The following TCF20 variants were observed in gnomAD, a reference collection of about 807,000 sequenced individuals.
TCF20 encodes the protein SPRE-binding protein.
In TCF20, 3 loss-of-function variants were observed where a neutral mutation model predicts 148.6. The ratio of observed to expected loss-of-function variants is 0.02; its 90% CI spans 0.01 to 0.05. The LOEUF (loss-of-function observed/expected upper bound fraction) is 0.05, where lower values mean the gene tolerates loss of function less well. Ranked by LOEUF, TCF20 falls within the 10% of genes least tolerant of loss-of-function variation. The pLI, the probability that TCF20 is intolerant of heterozygous loss-of-function variation, is 1.00. For synonymous variants in TCF20, 1,049 were observed against 909.5 expected (o/e 1.15, Z -2.76); for missense variants, 2,350 against 2,429.3 (o/e 0.97, Z 0.69).
At position 42,254,959 on chromosome 22, in the gene TCF20, C is replaced by CAAA. The variant is rs10625678; in HGVS notation, c.-37+15377_-37+15379dup. Reference sequence around the variant, plus strand: ...TGGGTGACACAGCAAGACTCCGTCTCAAAAAAAAAAAAAAAAAAAAGGTAG... The same window carrying CAAA: ...TGGGTGACACAGCAAGACTCCGTCTCAAAAAAAAAAAAAAAAAAAAAAAGGTAG... On this transcript the variant is annotated intron_variant, in intron 1 of 5. Coordinates refer to ENST00000677622, the MANE Select transcript of TCF20 (RefSeq NM_001378418.1). Among the ~76,000 whole-genome samples the CAAA allele has an allele frequency of 2.9e-4, 18 of 62,800 alleles. 4 individuals carry two copies. Among genetic ancestry groups the CAAA allele is most frequent in the African/African-American group, 7.7e-4 (8 of 10,454 alleles). 41.2% of individuals were successfully genotyped at this position (62,800 alleles called of 152,430 possible).
At chr22:42,331,949 A>C (rs1423166012) in intron 1 of TCF20, among the ~76,000 whole-genome samples, 1 of 152,260 alleles carries the variant, frequency 6.6e-6, no homozygotes, top group Non-Finnish European at 1.5e-5. Flanking sequence ...TCATCCACTC[A>C]TCCGCTCAAC....
At chr22:42,203,947 G>T (rs988250955) in intron 2 of TCF20, among the ~76,000 whole-genome samples, 1 of 152,212 alleles carries the variant, frequency 6.6e-6, no homozygotes, top group African/African-American at 2.4e-5. Flanking sequence ...CACCTTCAAG[G>T]AACATATAGT....
At chr22:42,314,384 T>C (rs1927592498) in intron 1 of TCF20, among the ~76,000 whole-genome samples, 1 of 152,224 alleles carries the variant, frequency 6.6e-6, no homozygotes, top group Non-Finnish European at 1.5e-5. Flanking sequence ...CTCAGCGAAA[T>C]TGATGGCCAT....
chr22:42,199,706 CAAAAAAAAAA>C lies in TCF20; in HGVS notation c.5655+9935_5655+9944del, dbSNP rs59845847. Among the ~76,000 whole-genome samples the C allele has an allele frequency of 5.7e-3, 194 of 33,856 alleles. 1 individual carries two copies. In the Middle Eastern group the frequency reaches 0.087, roughly 15 times the overall value. 22.2% of individuals were successfully genotyped at this position (33,856 alleles called of 152,430 possible). A position where few individuals can be genotyped will look rare whatever the true frequency, so the allele number is the denominator to read the frequency against. ...CTAACATGGCAAAACCCCATCTCTACAAAAAAAAAAAAAAAAAAAAAAAAAAAAAAATTAG... is the reference window on the plus strand; with the variant it reads ...CTAACATGGCAAAACCCCATCTCTACAAAAAAAAAAAAAAAAAAAAATTAG... On this transcript the variant is annotated intron_variant, in intron 2 of 5. Transcript: ENST00000677622.
intron 2 of TCF20, among the ~76,000 whole-genome samples, chr22:42,201,179 G>A (rs1469339236): frequency 6.6e-6 from 1 of 152,122 alleles, no homozygotes; most frequent in Admixed American, 6.6e-5. Context: ...GTTTCCTGAG[G>A]CCTCCCCAGA....
intron 1 of TCF20, among the ~76,000 whole-genome samples, chr22:42,331,423 C>A (rs147194490): frequency 2.6e-5 from 4 of 152,238 alleles, no homozygotes; most frequent in African/African-American, 7.2e-5. Flanking sequence ...CTATAGCCCA[C>A]GAGAGAAAGT....
chr22:42,325,086 G>A (rs1369859737), intron 1 of TCF20, among the ~76,000 whole-genome samples: 3 of 152,262 alleles, frequency 2.0e-5, no homozygotes. Flanking sequence ...AGGATGCTGA[G>A]CTCTCTGCCG....
chr22:42,194,802 C>G (rs895314280), intron 2 of TCF20, among the ~76,000 whole-genome samples: 2 of 151,996 alleles, frequency 1.3e-5, no homozygotes, highest in African/African-American at 4.8e-5. Flanking sequence ...CCAAGTCACT[C>G]TAGTAGTGGC....
chr22:42,341,549 G>A (rs550360619), intron 1 of TCF20, among the ~76,000 whole-genome samples: 1 of 152,292 alleles, frequency 6.6e-6, no homozygotes, highest in African/African-American at 2.4e-5. Context: ...AGGGCATCCT[G>A]CTCACAGGCA....
chr22:42,171,667 T>C (rs763825229), intron 3 of TCF20, among the ~76,000 whole-genome samples: 12 of 152,100 alleles, frequency 7.9e-5, no homozygotes, highest in Non-Finnish European at 1.3e-4. Context: ...TGACCAAGAC[T>C]CCCGCTGCTC....
intron 1 of TCF20, chr22:42,269,876 C>T (rs1415271564): frequency 6.6e-6 from 1 of 152,348 alleles, no homozygotes; most frequent in Non-Finnish European, 1.5e-5. Flanking sequence ...GGCCCAGCCC[C>T]GCTGGCCTCG....
intron 1 of TCF20, among the ~76,000 whole-genome samples, chr22:42,258,817 C>T (rs191675987): frequency 4.0e-4 from 61 of 152,112 alleles, no homozygotes; most frequent in African/African-American, 1.3e-3. Context: ...CGACTTAGGA[C>T]GGATGGGTTT....
rs761986071 is a variant in TCF20, at chr22:42,214,426, G to A, written c.880C>T (p.Pro294Ser). The A allele has an allele frequency of 5.6e-6, 9 of 1,614,016 alleles. No individual in the cohort carries two copies. In the African/African-American group the frequency reaches 6.7e-5, roughly 12 times the overall value. Reference protein sequence around the residue: ...YGTQSNYSYQPQSMKNFEQAK... With the variant: ...YGTQSNYSYQSQSMKNFEQAK... ...TGTTCAAAATTCTTCATAGATTGAG[G>A]CTGATAGCTGTAATTGGATTGTGTT... The change falls in exon 2 of 6, where the codon CCT becomes TCT. Residue 294 changes from proline (P) to serine (S), a missense_variant. Physicochemically the swap from Pro to Ser is moderately conservative, Grantham distance 74 (BLOSUM62 -1). Coordinates refer to ENST00000677622, the MANE Select transcript of TCF20 (RefSeq NM_001378418.1).
intron 5 of TCF20, among the ~76,000 whole-genome samples, chr22:42,164,941 T>C (rs1030276867): frequency 3.9e-5 from 6 of 152,148 alleles, no homozygotes; most frequent in Admixed American, 2.0e-4. Flanking sequence ...GAGACTTCCA[T>C]AGGGCTCTGG....
chr22:42,175,310 T>C (rs1234336508), intron 3 of TCF20, among the ~76,000 whole-genome samples: 4 of 152,128 alleles, frequency 2.6e-5, no homozygotes, highest in Non-Finnish European at 5.9e-5. Context: ...AGATTACAGG[T>C]GTGAACCACC....
intron 1 of TCF20, among the ~76,000 whole-genome samples, chr22:42,304,370 C>T (rs568800116): frequency 5.3e-4 from 81 of 152,066 alleles, no homozygotes; most frequent in African/African-American, 1.9e-3. Context: ...GGAGGCTGGG[C>T]TGGATGCAGG....
At chr22:42,227,866 C>T (rs1479554133) in intron 1 of TCF20, among the ~76,000 whole-genome samples, 1 of 152,202 alleles carries the variant, frequency 6.6e-6, no homozygotes, top group Admixed American at 6.5e-5. Flanking sequence ...ACCCATCCCA[C>T]TACTGCTGAT....
chr22:42,179,795 C>G (rs991669730), intron 2 of TCF20, 93 bp from the exon 3 acceptor site: 1 of 822,302 alleles, frequency 1.2e-6, no homozygotes, highest in Admixed American at 1.8e-5. Context: ...GACCTCAGCA[C>G]GTGTCTCTGT....
upstream of TCF20, among the ~76,000 whole-genome samples, chr22:42,285,637 A>T (rs1927016417): frequency 6.6e-6 from 1 of 151,930 alleles, no homozygotes; most frequent in South Asian, 2.1e-4. The surrounding 1 kb of genome is among the most constrained non-coding windows in gnomAD (Gnocchi z 4.2). Context: ...TTATTTTATT[A>T]TTATTTTATT....
Sources: gnomAD v4.1 joint callset for allele counts (sites outside exome capture counted in the v4.1 genomes callset) on GRCh38, gnomAD v4.1.1 for gene constraint, Gnocchi (gnomAD v3.1) non-coding constraint, MANE v1.5 for transcripts, NCBI Gene and HGNC (gene_info 2026-07-23, HGNC 2026-07-21) for gene names.